ITGA8: variants seen among roughly 807,000 people sequenced by gnomAD.
ITGA8 encodes the protein integrin alpha-8.
ITGA8 carries 91 observed loss-of-function variants against 142.3 expected under a neutral mutation model. That is an observed-to-expected ratio of 0.64 (90% CI 0.54 to 0.76). The LOEUF is 0.76. Among genes scored for constraint, ITGA8 ranks in the 30% least tolerant of loss-of-function variants. The pLI, the probability that ITGA8 is intolerant of heterozygous loss-of-function variation, is 0.00. For synonymous variants in ITGA8, 505 were observed against 485.2 expected (o/e 1.04, Z -0.54); for missense variants, 1,406 against 1,327.7 (o/e 1.06, Z -0.92).
chr10:15,518,042 T>C (rs1832995737), intron 29 of ITGA8, among the ~76,000 whole-genome samples: 1 of 152,132 alleles, frequency 6.6e-6, no homozygotes, highest in African/African-American at 2.4e-5. Context: ...AGAGGGAGAA[T>C]AGATTTGTCA....
At chr10:15,696,861 CAAAA>C (rs750418009) in intron 2 of ITGA8, among the ~76,000 whole-genome samples, 1 of 52,560 alleles carries the variant, frequency 1.9e-5, no homozygotes, top group Non-Finnish European at 4.4e-5. Flanking sequence ...TAACTCTTAC[CAAAA>C]AAAAAAAAAA....
chr10:15,656,538 A>G (rs1834188892), intron 10 of ITGA8, among the ~76,000 whole-genome samples: 4 of 151,478 alleles, frequency 2.6e-5, no homozygotes, highest in Admixed American at 2.6e-4. Context: ...TAATTTTTCT[A>G]TTTTTAGTAG....
At chr10:15,670,201 T>C (rs1036118179) in intron 8 of ITGA8, among the ~76,000 whole-genome samples, 9 of 152,350 alleles carry the variant, frequency 5.9e-5, no homozygotes, top group African/African-American at 1.9e-4. Flanking sequence ...AGTGTTCATA[T>C]GAAACAAGAT....
chr10:15,686,881 A>C (rs775901169), intron 3 of ITGA8, among the ~76,000 whole-genome samples: 1 of 152,210 alleles, frequency 6.6e-6, no homozygotes, highest in African/African-American at 2.4e-5. Flanking sequence ...ATATGCAACT[A>C]TTATATGTTA....
chr10:15,677,388 A>G (rs1834649577), intron 6 of ITGA8, among the ~76,000 whole-genome samples: 1 of 152,218 alleles, frequency 6.6e-6, no homozygotes, highest in East Asian at 1.9e-4. Flanking sequence ...AAAATATCAC[A>G]TGTACCCCAT....
In ITGA8 at chr10:15,567,054, T is replaced by C. The variant is rs933587256; in HGVS notation, c.2637+5157A>G. 2.0e-5 allele frequency among the ~76,000 whole-genome samples: 3 copies of C among 149,856 alleles called. No homozygotes were observed. The South Asian group carries it at 6.3e-4, about 32-fold the overall frequency. ...GTGCCAATCCTAGCTACTCAGGAGG[T>C]TGAGGCAGGAGAATGACCTGAACCC... is the stretch of plus-strand genomic sequence containing the variant. On this transcript the variant is annotated intron_variant, in intron 25 of 29. Transcript: ENST00000378076.
At chr10:15,619,231 T>C (rs1342388030) in intron 13 of ITGA8, among the ~76,000 whole-genome samples, 1 of 152,216 alleles carries the variant, frequency 6.6e-6, no homozygotes, top group Non-Finnish European at 1.5e-5. Context: ...GCTTGTTTTC[T>C]CATCTTTGTC....
At chr10:15,683,920 G>T in intron 4 of ITGA8, 84 bp downstream of exon 4, 1 of 1,493,216 alleles carries the variant, frequency 6.7e-7, no homozygotes, top group South Asian at 1.2e-5. Context: ...AGTTATCAAT[G>T]GTGTTTTGAG....
At chr10:15,565,068 A>G (rs1834054028) in intron 25 of ITGA8, among the ~76,000 whole-genome samples, 1 of 152,232 alleles carries the variant, frequency 6.6e-6, no homozygotes, top group Admixed American at 6.5e-5. Flanking sequence ...ATTCCAAAAT[A>G]TATGTGCAAA....
intron 2 of ITGA8, among the ~76,000 whole-genome samples, chr10:15,695,767 G>A (rs1450483133): frequency 1.3e-5 from 2 of 152,212 alleles, no homozygotes; most frequent in Non-Finnish European, 2.9e-5. Context: ...AACAGGGAAA[G>A]AAAGAGAAGC....
Position 15,718,857 on chromosome 10 carries a change from C to T in ITGA8, c.252G>A (p.Gln84=), listed in dbSNP as rs1029576602. The part of the protein sequence containing the change: ...LVGAPKANTS[Q]PDIVEGGAVY... ...CGGCTCCCCCTTCCACGATATCGGG[C>T]TGGCTGGTGTTGGCTTTGGGCGCCC... Residue 84 remains glutamine, a synonymous_variant, in exon 2 of 30, where the codon CAG becomes CAA. Transcript: ENST00000378076. The T allele has an allele frequency of 6.2e-7, 1 of 1,614,184 alleles. No individual in the cohort carries two copies. Among genetic ancestry groups the T allele is most frequent in the Non-Finnish European group, 8.5e-7 (1 of 1,180,040 alleles).
intron 21 of ITGA8, among the ~76,000 whole-genome samples, chr10:15,594,575 G>T (rs1832982369): frequency 6.6e-6 from 1 of 152,062 alleles, no homozygotes; most frequent in African/African-American, 2.4e-5. Flanking sequence ...ACAAGGTCAG[G>T]AGTTCAAGAC....
In ITGA8 at chr10:15,626,455, G is replaced by C. The variant is rs143283256; in HGVS notation, c.1400-9896C>G. Among the ~76,000 whole-genome samples the C allele has an allele frequency of 3.8e-4, 58 of 152,124 alleles. 1 individual carries two copies. Among genetic ancestry groups the C allele is most frequent in the African/African-American group, 1.3e-3 (54 of 41,488 alleles). The stretch of plus-strand genomic sequence containing the variant: ...AGGCTTGTCTCGAACTCCTGATCTC[G>C]TAATCCTCCCACCTTGGCCTCCCAA... On this transcript the variant is annotated intron_variant, in intron 13 of 29. Transcript: ENST00000378076.
At chr10:15,542,949 G>C (rs189194970) in intron 27 of ITGA8, among the ~76,000 whole-genome samples, 1 of 152,076 alleles carries the variant, frequency 6.6e-6, no homozygotes, top group Non-Finnish European at 1.5e-5. Context: ...TTCCTTAAGC[G>C]TAAAGAGCCA....
At chr10:15,613,494 A>G in intron 15 of ITGA8, 166 bp downstream of exon 15, 1 of 645,408 alleles carries the variant, frequency 1.5e-6, no homozygotes, top group Non-Finnish European at 2.8e-6. Flanking sequence ...TTGCTACTCA[A>G]ACTTCGGCCA....
chr10:15,694,961 G>A (rs1835024268), intron 2 of ITGA8, among the ~76,000 whole-genome samples: 2 of 151,962 alleles, frequency 1.3e-5, no homozygotes, highest in South Asian at 2.1e-4. Flanking sequence ...AAAGGAGATC[G>A]CAGAAGGACT....
At chr10:15,557,165 G>A (rs1340356345) in intron 26 of ITGA8, among the ~76,000 whole-genome samples, 1 of 152,212 alleles carries the variant, frequency 6.6e-6, no homozygotes, top group East Asian at 1.9e-4. Flanking sequence ...CAGATCACTT[G>A]AGGTCAGGAG....
intron 2 of ITGA8, among the ~76,000 whole-genome samples, chr10:15,716,670 A>AT (rs796458374): frequency 0.72 from 97,458 of 134,928 alleles, 35,701 homozygotes; most frequent in Non-Finnish European, 0.78. Context: ...AACCTATTGT[A>AT]TTTTTTTTTT....
chr10:15,540,171 T>G (rs1057363544), intron 27 of ITGA8, among the ~76,000 whole-genome samples: 3 of 152,200 alleles, frequency 2.0e-5, no homozygotes, highest in African/African-American at 4.8e-5. Context: ...TTCTAGCTAC[T>G]TTGAAATAGA....
Sources: allele counts gnomAD v4.1 joint callset (sites outside exome capture counted in the v4.1 genomes callset), GRCh38; gene constraint gnomAD v4.1.1; transcripts MANE v1.5; gene names NCBI Gene and HGNC (gene_info 2026-07-23, HGNC 2026-07-21).